STK32A: variants seen among roughly 807,000 people sequenced by gnomAD.
STK32A encodes serine/threonine kinase 32A.
STK32A carries 41 observed loss-of-function variants against 53.2 expected under a neutral mutation model. That is an observed-to-expected ratio of 0.77 (90% CI 0.60 to 1.00). STK32A has a LOEUF of 1.00. STK32A is among the 50% of genes least tolerant of loss of function. The pLI is 0.00. For synonymous variants in STK32A, 166 were observed against 162.8 expected (o/e 1.02, Z -0.15); for missense variants, 458 against 485.8 (o/e 0.94, Z 0.54).
chr5:147,280,799 C>T (rs774640900), intron 4 of STK32A, among the ~76,000 whole-genome samples: 6 of 152,288 alleles, frequency 3.9e-5, no homozygotes, highest in Middle Eastern at 6.8e-3. Flanking sequence ...CTGATGCTCT[C>T]TGGAAAAGCA....
chr5:147,300,473 G>C (rs1026262986), intron 4 of STK32A, among the ~76,000 whole-genome samples: 1 of 152,218 alleles, frequency 6.6e-6, no homozygotes, highest in Non-Finnish European at 1.5e-5. Flanking sequence ...AGGTATGTCT[G>C]TATGTTTTTT....
chr5:147,400,885 C>A, the STK32A span: 1 of 1,590,916 alleles, frequency 6.3e-7, no homozygotes, highest in Non-Finnish European at 8.6e-7. Context: ...TGGAGGCACA[C>A]TGGGAGCTTA....
In STK32A at chr5:147,324,064, A is replaced by G. The variant is rs1426923780; in HGVS notation, c.427A>G (p.Ile143Val). 6.2e-7 allele frequency: 1 copy of G among 1,603,344 alleles called. No homozygotes were observed. Among genetic ancestry groups the G allele is most frequent in the East Asian group, 2.2e-5 (1 of 44,576 alleles). The change falls in exon 5 of 13, where the codon ATT becomes GTT. Residue 143 changes from isoleucine to valine, a missense_variant. By Grantham distance (29) the Ile-to-Val change is conservative. Coordinates refer to ENST00000397936, the MANE Select transcript of STK32A (RefSeq NM_001112724.2). ...ALDYLQNQRI[I>V]HRDMKPDNIL... Reference sequence around the variant, plus strand: ...GGACTACCTGCAGAACCAGCGCATCATTCACAGGTCAGTCAAGTCCAAGGA... The same window carrying G: ...GGACTACCTGCAGAACCAGCGCATCGTTCACAGGTCAGTCAAGTCCAAGGA...
intron 2 of STK32A, among the ~76,000 whole-genome samples, chr5:147,240,716 C>A (rs1179170155): frequency 1.3e-5 from 2 of 152,180 alleles, no homozygotes; most frequent in East Asian, 1.9e-4. Flanking sequence ...ATGAAAACTA[C>A]AAATAACAGT....
chr5:147,356,573 C>G (rs138407173), intron 7 of STK32A, among the ~76,000 whole-genome samples: 1 of 152,090 alleles, frequency 6.6e-6, no homozygotes, highest in Non-Finnish European at 1.5e-5. Context: ...TGTCAATAAA[C>G]ATGCCTCTGC....
intron 7 of STK32A, among the ~76,000 whole-genome samples, chr5:147,358,082 T>C (rs1478976828): frequency 3.9e-5 from 6 of 152,066 alleles, no homozygotes; most frequent in African/African-American, 1.4e-4. Flanking sequence ...TAGATTAGTG[T>C]TGGGTCCCTT....
the STK32A span, among the ~76,000 whole-genome samples, chr5:147,396,372 T>G: frequency 6.6e-6 from 1 of 152,172 alleles, no homozygotes; most frequent in Non-Finnish European, 1.5e-5. Context: ...CCTTTGGCCA[T>G]GGGAAACACG....
At chr5:147,283,529 A>C (rs1752171159) in intron 4 of STK32A, among the ~76,000 whole-genome samples, 1 of 152,126 alleles carries the variant, frequency 6.6e-6, no homozygotes, top group African/African-American at 2.4e-5. Flanking sequence ...AAGATAAACA[A>C]AATTGGTAGA....
intron 2 of STK32A, among the ~76,000 whole-genome samples, chr5:147,272,887 C>T (rs951836552): frequency 1.3e-5 from 2 of 152,170 alleles, no homozygotes; most frequent in Admixed American, 1.3e-4. Flanking sequence ...CTGGTGTCCT[C>T]GTTGCCTGTT....
intron 4 of STK32A, among the ~76,000 whole-genome samples, chr5:147,291,332 G>A (rs1042579870): frequency 6.6e-6 from 1 of 152,082 alleles, no homozygotes; most frequent in Non-Finnish European, 1.5e-5. Context: ...AAGGGGAAAG[G>A]ATGAGTCTTA....
At chr5:147,382,759 A>G (rs1757501912) in intron 11 of STK32A, 1 of 152,132 alleles carries the variant, frequency 6.6e-6, no homozygotes, top group East Asian at 1.9e-4. Context: ...GTTGTTTTTG[A>G]ATGTCCCAGC....
intron 5 of STK32A, among the ~76,000 whole-genome samples, chr5:147,341,127 A>G (rs1755381996): frequency 6.6e-6 from 1 of 152,220 alleles, no homozygotes; most frequent in Non-Finnish European, 1.5e-5. Context: ...AATTCAGGCC[A>G]AGAAATTTGA....
chr5:147,274,597 A>C (rs1490998672), intron 2 of STK32A, among the ~76,000 whole-genome samples: 1 of 152,206 alleles, frequency 6.6e-6, no homozygotes, highest in East Asian at 1.9e-4. Flanking sequence ...TTGCCTGATA[A>C]TACCCAGGTG....
At chr5:147,285,541 CA>C (rs1752287175) in intron 4 of STK32A, among the ~76,000 whole-genome samples, 1 of 152,126 alleles carries the variant, frequency 6.6e-6, no homozygotes, top group African/African-American at 2.4e-5. Context: ...ACAATCTATA[CA>C]TCTGACAAAG....
chr5:147,242,704 T>A (rs1753630181), intron 2 of STK32A, among the ~76,000 whole-genome samples: 1 of 152,236 alleles, frequency 6.6e-6, no homozygotes, highest in South Asian at 2.1e-4. Flanking sequence ...CGTTCTCTCA[T>A]GAGCACTAGT....
intron 4 of STK32A, among the ~76,000 whole-genome samples, chr5:147,314,507 C>CAAAAAAAACA (rs1561713376): frequency 7.8e-5 from 1 of 12,768 alleles, no homozygotes; most frequent in African/African-American, 1.4e-4. Flanking sequence ...TCAAAAAAAA[C>CAAAAAAAACA]AAAAAAAAAC....
chr5:147,367,193 G>A (rs1457439498), intron 8 of STK32A, among the ~76,000 whole-genome samples: 1 of 151,694 alleles, frequency 6.6e-6, no homozygotes, highest in Non-Finnish European at 1.5e-5. Context: ...AGCCTCCCAA[G>A]TAGCTGGGAC....
At chr5:147,275,360 C>T (rs201180056) in intron 2 of STK32A, among the ~76,000 whole-genome samples, 1 of 26,394 alleles carries the variant, frequency 3.8e-5, no homozygotes, top group South Asian at 5.0e-4. Flanking sequence ...AAGGATCTCA[C>T]CCTGTTGCCC....
At chr5:147,314,297 A>G (rs1561713144) in intron 4 of STK32A, among the ~76,000 whole-genome samples, 1 of 152,124 alleles carries the variant, frequency 6.6e-6, no homozygotes, top group Non-Finnish European at 1.5e-5. Context: ...CAGGAGTTCA[A>G]GACCAGCCTG....
Sources: gnomAD v4.1 joint callset for allele counts (sites outside exome capture counted in the v4.1 genomes callset) on GRCh38, gnomAD v4.1.1 for gene constraint, MANE v1.5 for transcripts, NCBI Gene and HGNC (gene_info 2026-07-23, HGNC 2026-07-21) for gene names.